Variants in PPP2R5A observed in about 807,000 individuals in gnomAD.
PPP2R5A encodes the protein serine/threonine-protein phosphatase 2A 56 kDa regulatory subunit alpha isoform.
A neutral mutation model predicts 64.2 loss-of-function variants in PPP2R5A; 25 were observed. The observed-to-expected ratio is 0.39, with a 90% CI of 0.28 to 0.54. The LOEUF (loss-of-function observed/expected upper bound fraction) is 0.54, where lower values mean the gene tolerates loss of function less well. Among genes scored for constraint, PPP2R5A ranks in the 20% least tolerant of loss-of-function variants. The pLI, the probability that PPP2R5A is intolerant of heterozygous loss-of-function variation, is 0.67. For missense variants in PPP2R5A, 425 were observed against 576.3 expected, an observed-to-expected ratio of 0.74 and a Z score of 2.69; for synonymous variants, 198 against 201.2, an observed-to-expected ratio of 0.98 and a Z score of 0.13.
chr1:212,333,754 G>GT (rs1410503096), intron 3 of PPP2R5A, among the ~76,000 whole-genome samples, 156 bp downstream of exon 3: 1 of 152,080 alleles, frequency 6.6e-6, no homozygotes, highest in East Asian at 1.9e-4. Flanking sequence ...GTTTTTCAAT[G>GT]TTTTTTCATT....
chr1:212,302,073 G>A, intron 1 of PPP2R5A: 1 of 1,528,506 alleles, frequency 6.5e-7, no homozygotes. Flanking sequence ...GGCAAGAAGA[G>A]GAAGGCTTTA....
rs375834478 is a variant in PPP2R5A, at chr1:212,340,169, T to C, written c.481-2019T>C. ...TATATATTTTTAAATCAAGACATGC[T>C]GCTACATTTCTATAAAATAAAAGCC... On this transcript the variant is annotated intron_variant, in intron 3 of 12. Coordinates refer to ENST00000261461, the MANE Select transcript of PPP2R5A (RefSeq NM_006243.4). Among the ~76,000 whole-genome samples the C allele has an allele frequency of 2.6e-4, 39 of 152,174 alleles. No homozygotes were observed. In the East Asian group the frequency reaches 6.2e-3, roughly 24 times the overall value.
At chr1:212,343,969 G>T (rs562705626) in intron 4 of PPP2R5A, among the ~76,000 whole-genome samples, 14 of 152,280 alleles carry the variant, frequency 9.2e-5, no homozygotes, top group Admixed American at 2.6e-4. Flanking sequence ...CTAGGGCCCA[G>T]TAATTGCTTT....
intron 1 of PPP2R5A, among the ~76,000 whole-genome samples, chr1:212,301,045 G>A (rs1227750009): frequency 1.3e-5 from 2 of 152,128 alleles, no homozygotes; most frequent in African/African-American, 2.4e-5. Context: ...ACAGGGTCTT[G>A]CTCTGTCACC....
intron 8 of PPP2R5A, chr1:212,353,020 A>C (rs369228466): frequency 4.0e-6 from 2 of 505,100 alleles, no homozygotes; most frequent in East Asian, 5.5e-5. Flanking sequence ...GTCATGGCTT[A>C]GGTGGGCCCT....
chr1:212,358,827 T>A lies in PPP2R5A; in HGVS notation c.1328+40T>A, dbSNP rs770366111. ...GAATTACAAAATTATCTATACATTT[T>A]ATGTTAGTTGAATGTGATTCAGTTC... On this transcript the variant is annotated intron_variant, in intron 12 of 12. Transcript: ENST00000261461. The A allele has an allele frequency of 3.3e-6, 5 of 1,507,882 alleles. No homozygotes were observed. The Admixed American group carries it at 5.1e-5, about 15-fold the overall frequency. The allele number at this position is 1,507,882 out of a possible 1,614,324, so 93.4% of individuals were successfully genotyped here.
chr1:212,333,637 A>C (rs780760381), intron 3 of PPP2R5A, 39 bp downstream of exon 3: 6 of 1,195,498 alleles, frequency 5.0e-6, no homozygotes, highest in Non-Finnish European at 5.9e-6. Flanking sequence ...TTTTATATTT[A>C]TGCTATTCTG....
chr1:212,351,221 A>G (rs2102446556), intron 8 of PPP2R5A, among the ~76,000 whole-genome samples: 1 of 152,132 alleles, frequency 6.6e-6, no homozygotes, highest in African/African-American at 2.4e-5. Context: ...CAGGATGAGG[A>G]GAGAGAGTAA....
chr1:212,319,831 C>T (rs1031045063), intron 1 of PPP2R5A, among the ~76,000 whole-genome samples: 1 of 151,614 alleles, frequency 6.6e-6, no homozygotes, highest in African/African-American at 2.4e-5. Context: ...CCATGTTGGC[C>T]AGGCTGGTCT....
chr1:212,354,550 G>A (rs1394136906), intron 8 of PPP2R5A, among the ~76,000 whole-genome samples: 2 of 152,058 alleles, frequency 1.3e-5, no homozygotes, highest in East Asian at 1.9e-4. Context: ...CAGATGTGGT[G>A]GCATACACCC....
At chr1:212,347,280 C>A in intron 5 of PPP2R5A, 67 bp from the exon 6 acceptor site, 2 of 1,153,024 alleles carry the variant, frequency 1.7e-6, no homozygotes, top group African/African-American at 1.5e-5. Context: ...TCTTCACCCT[C>A]CTGCCTGTTT....
intron 1 of PPP2R5A, among the ~76,000 whole-genome samples, chr1:212,291,590 C>T (rs750867878): frequency 3.9e-5 from 6 of 152,198 alleles, no homozygotes; most frequent in East Asian, 1.9e-4. Context: ...ATTGAGACTT[C>T]GTCCTTTTCT....
intron 1 of PPP2R5A, among the ~76,000 whole-genome samples, chr1:212,323,935 G>A (rs1361399063): frequency 2.0e-5 from 3 of 152,100 alleles, no homozygotes; most frequent in African/African-American, 7.2e-5. Context: ...AGCCGGGTGT[G>A]GTGGTGAGTG....
intron 6 of PPP2R5A, among the ~76,000 whole-genome samples, chr1:212,347,955 T>G (rs1283837943): frequency 1.3e-5 from 2 of 152,222 alleles, no homozygotes; most frequent in Non-Finnish European, 2.9e-5. Flanking sequence ...ACAATGATTT[T>G]AGTTTCCTTT....
intron 1 of PPP2R5A, among the ~76,000 whole-genome samples, chr1:212,307,348 A>G (rs1658937624): frequency 6.6e-6 from 1 of 151,654 alleles, no homozygotes; most frequent in African/African-American, 2.4e-5. Flanking sequence ...GCTTTGTTCT[A>G]GTGAGATGTA....
chr1:212,360,878 A>G lies in PPP2R5A; in HGVS notation c.*108A>G, dbSNP rs1558157976. The G allele has an allele frequency of 1.5e-5, 16 of 1,103,138 alleles. No individual in the cohort carries two copies. The South Asian group carries it at 2.0e-4, about 14-fold the overall frequency. The allele number at this position is 1,103,138 out of a possible 1,614,324, so 68.3% of individuals were successfully genotyped here. ...TCAGTATAATATAATTAAAAGGCCA[A>G]TTTTTTCTGGCAACTGTAAATGGAA... is the stretch of plus-strand genomic sequence containing the variant. On this transcript the variant is annotated 3_prime_UTR_variant, in exon 13 of 13. Transcript: ENST00000261461.
chr1:212,320,728 A>C (rs1264183189), intron 1 of PPP2R5A, among the ~76,000 whole-genome samples: 1 of 135,424 alleles, frequency 7.4e-6, no homozygotes. Context: ...CTGGCCGGGC[A>C]GAGGGGCTCC....
intron 1 of PPP2R5A, among the ~76,000 whole-genome samples, chr1:212,317,838 T>C (rs1558145289): frequency 6.6e-6 from 1 of 151,844 alleles, no homozygotes; most frequent in Non-Finnish European, 1.5e-5. Context: ...ATACAAAAAT[T>C]AGCTGAGTGT....
rs1044732071 is a variant in PPP2R5A, at chr1:212,294,154, T to G, written c.181+7863T>G. ...AGAACGCAGATTTTAAAAAATTGTA[T>G]ATTTTGTCTAATTGGTTTTGCCTTT... On this transcript the variant is annotated intron_variant, in intron 1 of 12. Coordinates refer to ENST00000261461, the MANE Select transcript of PPP2R5A (RefSeq NM_006243.4). Among the ~76,000 whole-genome samples, 5 of 152,322 alleles carry G rather than the reference T, an allele frequency of 3.3e-5. No individual in the cohort carries two copies. In the South Asian group the frequency reaches 8.3e-4, roughly 25 times the overall value.
Sources: allele counts gnomAD v4.1 joint callset (sites outside exome capture counted in the v4.1 genomes callset), GRCh38; gene constraint gnomAD v4.1.1; transcripts MANE v1.5; gene names NCBI Gene and HGNC (gene_info 2026-07-23, HGNC 2026-07-21).